Variants in ATG10 observed in about 807,000 individuals in gnomAD.
The protein encoded by ATG10 is autophagy related 10.
A neutral mutation model predicts 32.1 loss-of-function variants in ATG10; 30 were observed. The ratio of observed to expected loss-of-function variants is 0.94; its 90% CI spans 0.70 to 1.27. The LOEUF (loss-of-function observed/expected upper bound fraction) is 1.27. Among genes scored for constraint, ATG10 ranks in the 50% most tolerant of loss-of-function variants. The pLI is 0.00. For synonymous variants in ATG10, 87 were observed against 91.5 expected (o/e 0.95, Z 0.28); for missense variants, 233 against 262.3 (o/e 0.89, Z 0.77).
At chr5:82,157,254 A>T (rs1046286558) in intron 3 of ATG10, among the ~76,000 whole-genome samples, 1 of 152,176 alleles carries the variant, frequency 6.6e-6, no homozygotes, top group Non-Finnish European at 1.5e-5. Flanking sequence ...TTAAAAAAAA[A>T]TCAGTAGTAG....
intron 3 of ATG10, among the ~76,000 whole-genome samples, chr5:82,059,696 A>G (rs563091212): frequency 6.6e-6 from 1 of 152,206 alleles, no homozygotes; most frequent in Non-Finnish European, 1.5e-5. Flanking sequence ...TTCTCAGAAC[A>G]TGTTAAATCA....
At chr5:82,209,684 C>T (rs1363435908) in intron 5 of ATG10, among the ~76,000 whole-genome samples, 6 of 152,076 alleles carry the variant, frequency 3.9e-5, no homozygotes, top group Admixed American at 3.9e-4. Context: ...ATGTATCCTC[C>T]CGAGATTCAT....
At chr5:82,011,083 A>G (rs554914489) in intron 2 of ATG10, among the ~76,000 whole-genome samples, 40 of 152,318 alleles carry the variant, frequency 2.6e-4, no homozygotes, top group Admixed American at 2.2e-3. Flanking sequence ...TAAATTTTAT[A>G]CAAAGTTTAA....
chr5:82,061,944 C>T (rs1763796123), intron 3 of ATG10, among the ~76,000 whole-genome samples: 1 of 150,746 alleles, frequency 6.6e-6, no homozygotes, highest in Non-Finnish European at 1.5e-5. Flanking sequence ...ATCCTCTCAC[C>T]TCTGCCTCCC....
At chr5:82,127,364 A>G (rs2149836469) in intron 3 of ATG10, among the ~76,000 whole-genome samples, 1 of 151,960 alleles carries the variant, frequency 6.6e-6, no homozygotes, top group South Asian at 2.1e-4. Context: ...AGTTCTTTTA[A>G]TTGTGATGTT....
At chr5:82,158,160 C>T (rs1767883163) in intron 3 of ATG10, among the ~76,000 whole-genome samples, 1 of 152,072 alleles carries the variant, frequency 6.6e-6, no homozygotes, top group Non-Finnish European at 1.5e-5. Context: ...TCACTGTCAA[C>T]TTATTGTTAA....
chr5:82,206,108 T>G (rs1745279980), intron 5 of ATG10, among the ~76,000 whole-genome samples: 1 of 152,128 alleles, frequency 6.6e-6, no homozygotes. Flanking sequence ...TATTGATAAG[T>G]TTCTGAGTGT....
rs185988079 is a variant in ATG10 at position 82,115,226 on chromosome 5, A to G, written c.217-49173A>G. Among the ~76,000 whole-genome samples, 3 of 152,232 alleles carry G rather than the reference A, an allele frequency of 2.0e-5. No homozygotes were observed. The East Asian group carries it at 5.8e-4, about 29-fold the overall frequency. On this transcript the variant is annotated intron_variant, in intron 3 of 7. Transcript: ENST00000282185. ...TTTTTGAGGCAATCTTAGAAAATTG[A>G]AAATGATTGGGTAGTAAGTGATTTT...
intron 2 of ATG10, among the ~76,000 whole-genome samples, chr5:82,010,831 A>G (rs1762108607): frequency 6.6e-6 from 1 of 152,206 alleles, no homozygotes; most frequent in Admixed American, 6.5e-5. Flanking sequence ...TGTGCACTAT[A>G]GCAGCAATTG....
At chr5:82,061,848 C>A (rs1316611162) in intron 3 of ATG10, among the ~76,000 whole-genome samples, 3 of 87,770 alleles carry the variant, frequency 3.4e-5, no homozygotes, top group African/African-American at 4.5e-5. Context: ...TTTTTACAGG[C>A]AGGGTCTTGC....
At chr5:82,070,152 G>A (rs1764081266) in intron 3 of ATG10, among the ~76,000 whole-genome samples, 1 of 152,164 alleles carries the variant, frequency 6.6e-6, no homozygotes, top group Non-Finnish European at 1.5e-5. Context: ...GACCCAGGAA[G>A]GCTGTCAAGT....
chr5:82,058,082 A>G (rs1023035885), intron 2 of ATG10, among the ~76,000 whole-genome samples: 2 of 152,220 alleles, frequency 1.3e-5, no homozygotes, highest in African/African-American at 2.4e-5. Flanking sequence ...GCCTTGAGAA[A>G]GAAATTGAAA....
chr5:82,244,260 G>A (rs1746926831), intron 5 of ATG10, among the ~76,000 whole-genome samples: 1 of 152,120 alleles, frequency 6.6e-6, no homozygotes, highest in Non-Finnish European at 1.5e-5. Flanking sequence ...TGAAGGAGTA[G>A]ACTAGAGGTT....
At chr5:82,246,429 C>G (rs1747037038) in intron 5 of ATG10, among the ~76,000 whole-genome samples, 1 of 151,152 alleles carries the variant, frequency 6.6e-6, no homozygotes, top group African/African-American at 2.4e-5. Context: ...GGGCTTATGC[C>G]TATAATCCCA....
chr5:82,107,550 C>G (rs1765480850), intron 3 of ATG10, among the ~76,000 whole-genome samples: 1 of 152,050 alleles, frequency 6.6e-6, no homozygotes, highest in Non-Finnish European at 1.5e-5. Context: ...TTTTCTTTCA[C>G]TTGCATTAAA....
At chr5:82,005,742 C>G (rs1336340484) in intron 2 of ATG10, among the ~76,000 whole-genome samples, 1 of 151,946 alleles carries the variant, frequency 6.6e-6, no homozygotes, top group African/African-American at 2.4e-5. Context: ...AAATAATTTC[C>G]TATAGATTTT....
At chr5:82,099,998 G>GTTTT (rs745517607) in intron 3 of ATG10, among the ~76,000 whole-genome samples, 2 of 76,428 alleles carry the variant, frequency 2.6e-5, no homozygotes, top group South Asian at 4.6e-4. Flanking sequence ...TTCTTTTTCT[G>GTTTT]TGTTTTTTTT....
At chr5:82,028,939 A>G (rs1762668586) in intron 2 of ATG10, among the ~76,000 whole-genome samples, 1 of 152,194 alleles carries the variant, frequency 6.6e-6, no homozygotes, top group African/African-American at 2.4e-5. Flanking sequence ...AAATGATACA[A>G]TTGTGGTTAG....
At chr5:82,106,642 T>C (rs1765452959) in intron 3 of ATG10, among the ~76,000 whole-genome samples, 1 of 152,110 alleles carries the variant, frequency 6.6e-6, no homozygotes, top group African/African-American at 2.4e-5. Context: ...TTTAACAGCC[T>C]CTGCTGGTCT....
Sources: gnomAD v4.1 joint callset for allele counts (sites outside exome capture counted in the v4.1 genomes callset) on GRCh38, gnomAD v4.1.1 for gene constraint, MANE v1.5 for transcripts, NCBI Gene and HGNC (gene_info 2026-07-23, HGNC 2026-07-21) for gene names.